C8orf34: variants seen among roughly 807,000 people sequenced by gnomAD.
C8orf34 encodes chromosome 8 open reading frame 34, also known as uncharacterized protein C8orf34.
A neutral mutation model predicts 68.3 loss-of-function variants in C8orf34; 65 were observed. The observed-to-expected ratio is 0.95, with a 90% CI of 0.78 to 1.17. The LOEUF (loss-of-function observed/expected upper bound fraction) is 1.17, where lower values mean the gene tolerates loss of function less well. Ranked by LOEUF, C8orf34 falls within the 50% of genes most tolerant of loss-of-function variation. The pLI is 0.00. For synonymous variants in C8orf34, 244 were observed against 241.2 expected, an observed-to-expected ratio of 1.01 and a Z score of -0.11; for missense variants, 664 against 655.4, an observed-to-expected ratio of 1.01 and a Z score of -0.14.
At chr8:68,336,708 T>G (rs1226004487) in intron 1 of C8orf34, among the ~76,000 whole-genome samples, 1 of 152,178 alleles carries the variant, frequency 6.6e-6, no homozygotes, top group Non-Finnish European at 1.5e-5. Context: ...GCATCCACAT[T>G]TTGGTTTCTA....
At chr8:68,731,102 A>G (rs566620653) in intron 10 of C8orf34, among the ~76,000 whole-genome samples, 1 of 152,240 alleles carries the variant, frequency 6.6e-6, no homozygotes, top group African/African-American at 2.4e-5. Context: ...GAAACACATT[A>G]ATATCCAATC....
chr8:68,381,251 T>G (rs1019852462), intron 1 of C8orf34, among the ~76,000 whole-genome samples: 1 of 152,216 alleles, frequency 6.6e-6, no homozygotes, highest in African/African-American at 2.4e-5. Flanking sequence ...TGCTCTACTC[T>G]AAGTTTATTC....
intron 7 of C8orf34, among the ~76,000 whole-genome samples, chr8:68,573,024 C>A (rs1449854861): frequency 6.6e-6 from 1 of 152,060 alleles, no homozygotes; most frequent in African/African-American, 2.4e-5. Context: ...TGCTAAACAT[C>A]CTCATTTTCT....
chr8:68,532,919 T>C lies in C8orf34; in HGVS notation c.939-64T>C, dbSNP rs958097621. Reference sequence around the variant, plus strand: ...ATACGTGTGTAATAAAATAACCAAATGGAAATTTATTTGTAGATTTTCTTT... The same window carrying C: ...ATACGTGTGTAATAAAATAACCAAACGGAAATTTATTTGTAGATTTTCTTT... On this transcript the variant is annotated intron_variant, in intron 6 of 13. Transcript: ENST00000518698. 2.5e-6 allele frequency: 3 copies of C among 1,209,360 alleles called. 1 individual carries two copies. In the Admixed American group the frequency reaches 6.9e-5, roughly 28 times the overall value. 74.9% of individuals were successfully genotyped at this position (1,209,360 alleles called of 1,614,324 possible). A position where few individuals can be genotyped will look rare whatever the true frequency, so the allele number is the denominator to read the frequency against.
intron 7 of C8orf34, among the ~76,000 whole-genome samples, chr8:68,582,773 A>G (rs886354539): frequency 6.6e-6 from 1 of 152,104 alleles, no homozygotes; most frequent in Non-Finnish European, 1.5e-5. Flanking sequence ...CAAGACAAAA[A>G]CAAACAGAAG....
rs147531364 is a variant in C8orf34, at chr8:68,487,103, A to T, written c.737-920A>T. ...AATGGAATGCCCACAAGAATTCAAC[A>T]ATTAGCTCAGGAAGAAAGTCTGTGC... On this transcript the variant is annotated intron_variant, in intron 4 of 13. Coordinates refer to ENST00000518698, the MANE Select transcript of C8orf34 (RefSeq NM_052958.4). Among the ~76,000 whole-genome samples the T allele has an allele frequency of 7.8e-4, 119 of 152,342 alleles. No individual in the cohort carries two copies. The Middle Eastern group carries it at 0.014, about 17-fold the overall frequency.
At chr8:68,592,640 C>T (rs184918417) in intron 7 of C8orf34, among the ~76,000 whole-genome samples, 5 of 123,630 alleles carry the variant, frequency 4.0e-5, no homozygotes, top group Middle Eastern at 6.8e-3. Flanking sequence ...CTCGCTCTGT[C>T]GCCCAGGCTG....
chr8:68,494,769 C>A (rs1813453101), intron 5 of C8orf34, among the ~76,000 whole-genome samples: 1 of 151,600 alleles, frequency 6.6e-6, no homozygotes, highest in African/African-American at 2.4e-5. Flanking sequence ...GGCAGGAGAA[C>A]CACTTGAACA....
chr8:68,597,582 G>GTC (rs1324032686), intron 7 of C8orf34, among the ~76,000 whole-genome samples: 24 of 151,576 alleles, frequency 1.6e-4, no homozygotes, highest in Admixed American at 1.3e-3. Flanking sequence ...GGTGGTGTGT[G>GTC]TGTGTGTGTG....
intron 6 of C8orf34, among the ~76,000 whole-genome samples, chr8:68,526,215 C>G (rs968011830): frequency 6.6e-6 from 1 of 151,954 alleles, no homozygotes. Context: ...CCCATCTTGG[C>G]CCCAAAGTGC....
At chr8:68,811,038 G>A (rs1824634897) in intron 12 of C8orf34, among the ~76,000 whole-genome samples, 1 of 152,188 alleles carries the variant, frequency 6.6e-6, no homozygotes, top group Non-Finnish European at 1.5e-5. Context: ...TCTACCTCCT[G>A]CCGCCATCAA....
chr8:68,491,776 C>T (rs962931310), intron 5 of C8orf34, among the ~76,000 whole-genome samples: 8 of 152,156 alleles, frequency 5.3e-5, no homozygotes, highest in African/African-American at 1.9e-4. Context: ...TCACAGGTTT[C>T]GGGTATTAGG....
chr8:68,573,435 T>G lies in C8orf34; in HGVS notation c.1105+40286T>G, dbSNP rs544323624. ...ATACGGAACCAACCCAGATCCAGTC[T>G]GCAGCTTAGAGCCAGGCTCCCAGCT... On this transcript the variant is annotated intron_variant, in intron 7 of 13. Coordinates refer to ENST00000518698, the MANE Select transcript of C8orf34 (RefSeq NM_052958.4). 2.6e-5 allele frequency among the ~76,000 whole-genome samples: 4 copies of G among 152,292 alleles called. No individual in the cohort carries two copies. In the South Asian group the frequency reaches 8.3e-4, roughly 32 times the overall value.
chr8:68,730,494 A>G (rs933133782), intron 10 of C8orf34, among the ~76,000 whole-genome samples: 1 of 152,126 alleles, frequency 6.6e-6, no homozygotes, highest in Admixed American at 6.6e-5. Flanking sequence ...GATTTCTGAC[A>G]TGTTAAGGAT....
At chr8:68,618,720 A>T (rs1818302417) in intron 7 of C8orf34, among the ~76,000 whole-genome samples, 1 of 152,154 alleles carries the variant, frequency 6.6e-6, no homozygotes, top group South Asian at 2.1e-4. Context: ...TGAATCTAAG[A>T]ACTATAAAAT....
chr8:68,570,339 TGCAAACAC>T (rs1816725572), intron 7 of C8orf34, among the ~76,000 whole-genome samples: 1 of 152,228 alleles, frequency 6.6e-6, no homozygotes, highest in Admixed American at 6.5e-5. Context: ...CTAGCTAATG[TGCAAACAC>T]AGTCAACCAT....
chr8:68,633,579 T>C (rs1818752907), intron 7 of C8orf34, among the ~76,000 whole-genome samples: 2 of 152,224 alleles, frequency 1.3e-5, no homozygotes. Flanking sequence ...ATTTCTTTGT[T>C]GTGGAAACTA....
chr8:68,658,996 T>A (rs561053466), intron 8 of C8orf34, among the ~76,000 whole-genome samples: 1 of 152,230 alleles, frequency 6.6e-6, no homozygotes, highest in African/African-American at 2.4e-5. Context: ...ATTTTCTTCA[T>A]GTACTTTACA....
chr8:68,503,474 T>C (rs1309848503), intron 5 of C8orf34, among the ~76,000 whole-genome samples: 1 of 152,108 alleles, frequency 6.6e-6, no homozygotes, highest in Non-Finnish European at 1.5e-5. Flanking sequence ...ACAAAGGCAT[T>C]CATTTATCTT....
Sources: gnomAD v4.1 joint callset for allele counts (sites outside exome capture counted in the v4.1 genomes callset) on GRCh38, gnomAD v4.1.1 for gene constraint, MANE v1.5 for transcripts, NCBI Gene and HGNC (gene_info 2026-07-23, HGNC 2026-07-21) for gene names.